PPP1R12B: variants seen among roughly 807,000 people sequenced by gnomAD.
PPP1R12B encodes protein phosphatase 1 regulatory subunit 12B.
Under a neutral mutation model 126.1 loss-of-function variants are expected in PPP1R12B, and 76 were observed. The observed-to-expected ratio is 0.60, with a 90% CI of 0.50 to 0.73. The LOEUF (loss-of-function observed/expected upper bound fraction) is 0.73, where lower values mean the gene tolerates loss of function less well. Among genes scored for constraint, PPP1R12B ranks in the 30% least tolerant of loss-of-function variants. The probability of loss-of-function intolerance (pLI) is 0.00; values close to 1 mark genes in which losing one functional copy is unlikely to be tolerated. For missense variants in PPP1R12B, 1,052 were observed against 1,205.1 expected (o/e 0.87, Z 1.88); for synonymous variants, 356 against 434.7 (o/e 0.82, Z 2.25).
chr1:202,467,136 C>G (rs1675104196), intron 13 of PPP1R12B, among the ~76,000 whole-genome samples: 1 of 152,092 alleles, frequency 6.6e-6, no homozygotes, highest in Non-Finnish European at 1.5e-5. Flanking sequence ...ATGCAAATCT[C>G]ATCCAATCAC....
chr1:202,441,224 A>T (rs932307137), intron 11 of PPP1R12B, among the ~76,000 whole-genome samples: 5 of 152,376 alleles, frequency 3.3e-5, no homozygotes, highest in African/African-American at 1.2e-4. Flanking sequence ...ATTAGTTAAA[A>T]TAAATATAGG....
rs7554082 is a variant in PPP1R12B, at chr1:202,435,938, C to A, written c.1254+1170C>A. Among the ~76,000 whole-genome samples, 54 of 152,048 alleles carry A rather than the reference C, an allele frequency of 3.6e-4. 1 individual carries two copies. In the South Asian group the frequency reaches 0.011, roughly 31 times the overall value. On this transcript the variant is annotated intron_variant, in intron 9 of 23. Coordinates refer to ENST00000608999, the MANE Select transcript of PPP1R12B (RefSeq NM_002481.4). The stretch of plus-strand genomic sequence containing the variant: ...ATACTGCCACTGCTTCTAAGGATGC[C>A]TAGACTTCCTACTTTTTTCAATAGA...
chr1:202,560,217 T>C (rs1462702814), intron 19 of PPP1R12B, among the ~76,000 whole-genome samples: 1 of 152,148 alleles, frequency 6.6e-6, no homozygotes, highest in Non-Finnish European at 1.5e-5. Context: ...TTATAATCTT[T>C]ATATAGGAAA....
chr1:202,375,860 A>T (rs1173052716), intron 1 of PPP1R12B, among the ~76,000 whole-genome samples: 2 of 152,174 alleles, frequency 1.3e-5, no homozygotes, highest in East Asian at 1.9e-4. Flanking sequence ...TTTGTTTCTT[A>T]TAGCTTACCT....
At chr1:202,502,073 C>A (rs939420454) in intron 18 of PPP1R12B, 52 of 985,450 alleles carry the variant, frequency 5.3e-5, no homozygotes, top group Non-Finnish European at 6.0e-5. Flanking sequence ...ATCTCTATTG[C>A]TTTTAGATAA....
intron 1 of PPP1R12B, among the ~76,000 whole-genome samples, chr1:202,408,367 A>G (rs1409465850): frequency 2.0e-5 from 3 of 152,208 alleles, no homozygotes. Flanking sequence ...AACAGTTTCT[A>G]AAACTTTCTA....
intron 1 of PPP1R12B, among the ~76,000 whole-genome samples, chr1:202,374,279 G>C (rs1209168352): frequency 6.6e-6 from 1 of 151,986 alleles, no homozygotes. Flanking sequence ...CAGAAACCTA[G>C]GTAACATCTG....
chr1:202,549,846 A>G (rs1686133459), intron 18 of PPP1R12B, among the ~76,000 whole-genome samples: 1 of 152,150 alleles, frequency 6.6e-6, no homozygotes, highest in Non-Finnish European at 1.5e-5. Flanking sequence ...AGTACTACTC[A>G]CAAGGCTGGG....
chr1:202,564,963 T>C (rs1558381572), intron 21 of PPP1R12B, among the ~76,000 whole-genome samples: 1 of 152,136 alleles, frequency 6.6e-6, no homozygotes, highest in African/African-American at 2.4e-5. Flanking sequence ...GATAACAAAT[T>C]AAGCCTAGAG....
intron 18 of PPP1R12B, among the ~76,000 whole-genome samples, chr1:202,547,510 A>T (rs754895752): frequency 2.0e-5 from 3 of 152,214 alleles, no homozygotes; most frequent in Non-Finnish European, 2.9e-5. Context: ...ACCTCTTCAT[A>T]GGTCATTATG....
rs549357085 is a variant in PPP1R12B at position 202,538,273 on chromosome 1, G to A, written c.2491-20604G>A. ...GCCTCCCAAAGTGCTGGGATTACAG[G>A]CGTGAGCCATTGCACCTGGCAACAG... On this transcript the variant is annotated intron_variant, in intron 18 of 23. Coordinates refer to ENST00000608999, the MANE Select transcript of PPP1R12B (RefSeq NM_002481.4). 7.6e-4 allele frequency among the ~76,000 whole-genome samples: 116 copies of A among 152,338 alleles called. 1 individual carries two copies. The highest frequency in any genetic ancestry group is 2.7e-3 in the African/African-American group (112 of 41,588).
Position 202,562,884 on chromosome 1 carries a change from A to G in PPP1R12B, c.2614A>G (p.Ser872Gly). The change falls in exon 20 of 24, where the codon AGC becomes GGC. Residue 872 changes from serine to glycine, a missense_variant. Coordinates refer to ENST00000608999, the MANE Select transcript of PPP1R12B (RefSeq NM_002481.4). ...GGAGGCCCGCCTAGCCACCCTGACC[A>G]GCCGTGTAGAAGAAGACAGCAACAG... ...AREARLATLT[S>G]RVEEDSNRDY... is the part of the protein sequence containing the mutation. The G allele has an allele frequency of 1.2e-6, 2 of 1,602,604 alleles. No homozygotes were observed. The highest frequency in any genetic ancestry group is 2.2e-5 in the East Asian group (1 of 44,840).
intron 1 of PPP1R12B, among the ~76,000 whole-genome samples, chr1:202,368,633 G>C (rs1157554275): frequency 6.7e-6 from 1 of 150,342 alleles, no homozygotes; most frequent in African/African-American, 2.4e-5. Context: ...TATCATTCTA[G>C]AATTAGTGTT....
intron 1 of PPP1R12B, among the ~76,000 whole-genome samples, chr1:202,350,948 G>A (rs1414700482): frequency 6.6e-6 from 1 of 152,014 alleles, no homozygotes; most frequent in Non-Finnish European, 1.5e-5. Context: ...AAGAGAAGAA[G>A]GGGATGACAG....
Position 202,348,751 on chromosome 1 carries a change from G to T in PPP1R12B, c.-101G>T, listed in dbSNP as rs1655370070. 7.0e-7 allele frequency: 1 copy of T among 1,420,716 alleles called. No individual in the cohort carries two copies. The highest frequency in any genetic ancestry group is 9.3e-7 in the Non-Finnish European group (1 of 1,070,398). 88.0% of individuals were successfully genotyped at this position (1,420,716 alleles called of 1,614,324 possible). On this transcript the variant is annotated 5_prime_UTR_variant, in exon 1 of 24. Transcript: ENST00000608999. ...GGCGGCGCGAGGGTCTCCGCCCTCT[G>T]CTCCGGGCTGAAGCGCTCTGAGAGA...
intron 18 of PPP1R12B, among the ~76,000 whole-genome samples, chr1:202,535,547 A>G (rs1206121943): frequency 6.6e-5 from 10 of 152,152 alleles, no homozygotes; most frequent in Non-Finnish European, 1.5e-4. Flanking sequence ...TCTATTTGAT[A>G]GTTCTTATAT....
chr1:202,562,901 C>G lies in PPP1R12B; in HGVS notation c.2631C>G (p.Asp877Glu). 1 of 1,588,034 alleles carries G rather than the reference C, an allele frequency of 6.3e-7. No individual in the cohort carries two copies. Residue 877 changes from aspartate to glutamate, a missense_variant, in exon 20 of 24, where the codon GAC (aspartate) becomes GAG (glutamate). Transcript: ENST00000608999. Reference protein sequence around the residue: ...LATLTSRVEEDSNRDYKKLYE... With the variant: ...LATLTSRVEEESNRDYKKLYE... Reference sequence around the variant, plus strand: ...CCCTGACCAGCCGTGTAGAAGAAGACAGCAACAGAGATTATAAAAAAGTAG... The same window carrying G: ...CCCTGACCAGCCGTGTAGAAGAAGAGAGCAACAGAGATTATAAAAAAGTAG...
chr1:202,447,260 C>T (rs1235481608), intron 12 of PPP1R12B, among the ~76,000 whole-genome samples: 6 of 152,124 alleles, frequency 3.9e-5, no homozygotes, highest in African/African-American at 7.2e-5. Flanking sequence ...ATTTTATAGA[C>T]GAGGAAACTC....
chr1:202,485,138 C>T lies in PPP1R12B; in HGVS notation c.1851-3395C>T, dbSNP rs561205642. Among the ~76,000 whole-genome samples, 4 of 152,210 alleles carry T rather than the reference C, an allele frequency of 2.6e-5. No individual in the cohort carries two copies. The South Asian group carries it at 8.3e-4, about 32-fold the overall frequency. ...GTGAGGGGACTGGCCAGCAGTTAGG[C>T]AGTTTCCCCCCTGTGCAGCTTTGGC... is the stretch of plus-strand genomic sequence containing the variant. On this transcript the variant is annotated intron_variant, in intron 13 of 23. Transcript: ENST00000608999.
Sources: gnomAD v4.1 joint callset for allele counts (sites outside exome capture counted in the v4.1 genomes callset) on GRCh38, gnomAD v4.1.1 for gene constraint, MANE v1.5 for transcripts, NCBI Gene and HGNC (gene_info 2026-07-23, HGNC 2026-07-21) for gene names.